Variants in C2orf92 observed in about 807,000 individuals in gnomAD.
C2orf92 encodes uncharacterized protein C2orf92.
Position 97,699,099 on chromosome 2 carries a change from T to C in C2orf92, c.477T>C (p.Thr159=). ...FDRDLREQLT[T]IDKETLQGAA... ...GGGATTTAAGAGAGCAGTTAACTAC[T>C]ATAGATAAAGAAACACTTCAAGGAG... The change falls in exon 6 of 8, where the codon ACT becomes ACC. Residue 159 remains threonine, a synonymous_variant. Transcript: ENST00000627399. 1 of 398,614 alleles carries C rather than the reference T, an allele frequency of 2.5e-6. No homozygotes were observed. The allele number at this position is 398,614 out of a possible 1,614,324, so 24.7% of individuals were successfully genotyped here.
intron 5 of C2orf92, among the ~76,000 whole-genome samples, 198 bp from the exon 6 acceptor site, chr2:97,698,828 G>C (rs1676397713): frequency 6.6e-6 from 1 of 152,172 alleles, no homozygotes; most frequent in African/African-American, 2.4e-5. Flanking sequence ...GGTTGCCCAG[G>C]AATTTGTTAG....
intron 5 of C2orf92, among the ~76,000 whole-genome samples, chr2:97,692,594 G>C (rs909717059): frequency 6.6e-6 from 1 of 151,920 alleles, no homozygotes; most frequent in African/African-American, 2.4e-5. Context: ...ATTTTTATTA[G>C]AGACAGGGTT....
intron 3 of C2orf92, among the ~76,000 whole-genome samples, chr2:97,685,016 G>A (rs1228195164): frequency 2.0e-5 from 3 of 151,280 alleles, no homozygotes; most frequent in African/African-American, 7.3e-5. Flanking sequence ...TGCAAGCTTC[G>A]CCTCCCGGGT....
chr2:97,687,991 G>A (rs1676018144), intron 3 of C2orf92, among the ~76,000 whole-genome samples: 1 of 151,616 alleles, frequency 6.6e-6, no homozygotes, highest in South Asian at 2.1e-4. Context: ...TAGGAGGGGA[G>A]TGATTGCATC....
At chr2:97,682,361 T>C (rs914114065) in intron 3 of C2orf92, among the ~76,000 whole-genome samples, 1 of 152,186 alleles carries the variant, frequency 6.6e-6, no homozygotes, top group Non-Finnish European at 1.5e-5. Flanking sequence ...AGATGTGTTC[T>C]CTGGCAAAAT....
intron 5 of C2orf92, among the ~76,000 whole-genome samples, chr2:97,692,799 T>C (rs1346385061): frequency 6.6e-6 from 1 of 152,246 alleles, no homozygotes; most frequent in East Asian, 1.9e-4. Flanking sequence ...TAATCTTGAA[T>C]GGTTGCTGGA....
chr2:97,684,679 TGA>T (rs1391645040), intron 3 of C2orf92, among the ~76,000 whole-genome samples: 2 of 152,116 alleles, frequency 1.3e-5, no homozygotes, highest in Non-Finnish European at 2.9e-5. Flanking sequence ...TCCCACAGAA[TGA>T]GAGAAAATGT....
chr2:97,673,040 C>G (rs897851203), intron 1 of C2orf92, among the ~76,000 whole-genome samples: 2 of 152,150 alleles, frequency 1.3e-5, no homozygotes, highest in African/African-American at 4.8e-5. Flanking sequence ...AAAATGTAAC[C>G]CTTGTGAATT....
At chr2:97,695,141 C>T (rs576142647) in intron 5 of C2orf92, among the ~76,000 whole-genome samples, 4 of 152,236 alleles carry the variant, frequency 2.6e-5, no homozygotes, top group Admixed American at 2.0e-4. Flanking sequence ...TCTTTTGATG[C>T]GCAAAATTTT....
chr2:97,701,797 C>T (rs1464976586), intron 7 of C2orf92, among the ~76,000 whole-genome samples: 6 of 152,210 alleles, frequency 3.9e-5, no homozygotes, highest in African/African-American at 1.2e-4. Flanking sequence ...TGATCTTCTC[C>T]GTGATCCTGC....
chr2:97,673,878 T>A (rs1675490420), intron 1 of C2orf92, among the ~76,000 whole-genome samples: 1 of 152,178 alleles, frequency 6.6e-6, no homozygotes, highest in African/African-American at 2.4e-5. Flanking sequence ...AGGAGCATTA[T>A]GATCTTTAGG....
Position 97,696,054 on chromosome 2 carries a change from T to G in C2orf92, c.404-2972T>G, listed in dbSNP as rs577200097. On this transcript the variant is annotated intron_variant, in intron 5 of 7. Transcript: ENST00000627399. ...CTGTCCTACCCAGTGGGAAGCACTGTGCTGGAAGCTAGAGAGCTCAGTGAG... is the reference window on the plus strand; with the variant it reads ...CTGTCCTACCCAGTGGGAAGCACTGGGCTGGAAGCTAGAGAGCTCAGTGAG... 5.0e-4 allele frequency among the ~76,000 whole-genome samples: 76 copies of G among 152,346 alleles called. 1 individual carries two copies. The highest frequency in any genetic ancestry group is 1.7e-3 in the African/African-American group (71 of 41,584).
At chr2:97,690,096 A>G (rs973396117) in intron 4 of C2orf92, among the ~76,000 whole-genome samples, 160 bp from the exon 5 acceptor site, 5 of 151,892 alleles carry the variant, frequency 3.3e-5, no homozygotes, top group African/African-American at 1.2e-4. Flanking sequence ...TTGCCACTGC[A>G]CTCCAGCCTG....
intron 3 of C2orf92, chr2:97,677,635 A>G (rs948854671): frequency 1.3e-5 from 2 of 152,224 alleles, no homozygotes; most frequent in African/African-American, 4.8e-5. Flanking sequence ...CAGAATGTCC[A>G]TCTCTCAACG....
At chr2:97,676,767 CTA>C (rs1228075780) in intron 3 of C2orf92, among the ~76,000 whole-genome samples, 1 of 147,808 alleles carries the variant, frequency 6.8e-6, no homozygotes, top group African/African-American at 2.6e-5. Context: ...GCTGTACTGT[CTA>C]TTAAAAAAAA....
At chr2:97,666,295 T>C (rs528281476), upstream of C2orf92, among the ~76,000 whole-genome samples, 1 of 151,792 alleles carries the variant, frequency 6.6e-6, no homozygotes, top group African/African-American at 2.4e-5. Context: ...CCCAGCACTT[T>C]GGAAGGCCGA....
At chr2:97,700,874 C>T (rs1348267460) in intron 6 of C2orf92, among the ~76,000 whole-genome samples, 3 of 152,106 alleles carry the variant, frequency 2.0e-5, no homozygotes, top group Non-Finnish European at 4.4e-5. Flanking sequence ...GGACTACAGG[C>T]GCCCGCCACC....
chr2:97,676,078 A>G, intron 3 of C2orf92, 150 bp downstream of exon 3: 1 of 397,410 alleles, frequency 2.5e-6, no homozygotes, highest in Non-Finnish European at 4.4e-6. Flanking sequence ...CTATGAGTCA[A>G]AACCTCGATA....
rs570620090 is a variant in C2orf92 at position 97,671,108 on chromosome 2, C to T, written c.46+1274C>T. Reference sequence around the variant, plus strand: ...CTGGGATTACAGGCGTGTGCCACCACGCCTGGCTAATTTACTAAACTAATA... The same window carrying T: ...CTGGGATTACAGGCGTGTGCCACCATGCCTGGCTAATTTACTAAACTAATA... On this transcript the variant is annotated intron_variant, in intron 1 of 7. Transcript: ENST00000627399. 13 of 156,902 alleles carry T rather than the reference C, an allele frequency of 8.3e-5. No homozygotes were observed. The East Asian group carries it at 2.0e-3, about 24-fold the overall frequency. The allele number at this position is 156,902 out of a possible 1,614,324, so 9.7% of individuals were successfully genotyped here.
Sources: allele counts gnomAD v4.1 joint callset (sites outside exome capture counted in the v4.1 genomes callset), GRCh38; gene constraint gnomAD v4.1.1; transcripts MANE v1.5; gene names NCBI Gene and HGNC (gene_info 2026-07-23, HGNC 2026-07-21).